Variants in PAH observed in about 807,000 individuals in gnomAD.
PAH encodes the protein phenylalanine hydroxylase.
In PAH, 64 loss-of-function variants were observed where a neutral mutation model predicts 62.0. The observed-to-expected ratio is 1.03, with a 90% CI of 0.84 to 1.27. PAH has a LOEUF of 1.27. PAH is among the 50% of genes most tolerant of loss of function. The probability of loss-of-function intolerance (pLI) is 0.00; values close to 1 mark genes in which losing one functional copy is unlikely to be tolerated. For synonymous variants in PAH, 195 were observed against 196.2 expected (o/e 0.99, Z 0.05); for missense variants, 579 against 542.8 (o/e 1.07, Z -0.66).
At chr12:102,861,979 A>AAG (rs1367985701) in intron 5 of PAH, among the ~76,000 whole-genome samples, 3 of 151,846 alleles carry the variant, frequency 2.0e-5, no homozygotes, top group Admixed American at 6.6e-5. Context: ...AAAAAAAAAA[A>AAG]AAAGAAAGAC....
At position 102,838,973 on chromosome 12, in the gene PAH, A is replaced by C. The variant is rs1874472828; in HGVS notation, c.*202T>G. Reference sequence around the variant, plus strand: ...TCTAAATCAAAGATGACCCCAAAAGATTTACCATTATGCTCTTGAGTATGT... The same window carrying C: ...TCTAAATCAAAGATGACCCCAAAAGCTTTACCATTATGCTCTTGAGTATGT... On this transcript the variant is annotated 3_prime_UTR_variant, in exon 13 of 13. Coordinates refer to ENST00000553106, the MANE Select transcript of PAH (RefSeq NM_000277.3). 1.7e-6 allele frequency: 1 copy of C among 595,936 alleles called. No individual in the cohort carries two copies. Among genetic ancestry groups the C allele is most frequent in the Non-Finnish European group, 3.0e-6 (1 of 335,276 alleles). The allele number at this position is 595,936 out of a possible 1,614,324, so 36.9% of individuals were successfully genotyped here. A position where few individuals can be genotyped will look rare whatever the true frequency, so the allele number is the denominator to read the frequency against.
intron 1 of PAH, among the ~76,000 whole-genome samples, chr12:102,916,832 A>G (rs1201575359): frequency 6.6e-6 from 1 of 152,180 alleles, no homozygotes; most frequent in African/African-American, 2.4e-5. Context: ...CCAGATCCCC[A>G]ACCCCCTAAA....
At position 102,957,622 on chromosome 12, in the gene PAH, T is replaced by G. The variant is rs1473176787; in HGVS notation, c.-96+573A>C. On this transcript the variant is annotated intron_variant, in intron 1 of 4. Coordinates refer to the PAH transcript ENST00000551337. This position sits in a 1 kb window ranked among gnomAD's most constrained non-coding sequence, Gnocchi z 4.1. ...GTGGGGGGCGAGGCGGGGCCAGGGC[T>G]GCGCGTGGGGCTGGGTGTCCCATTG... The G allele has an allele frequency of 6.6e-6, 1 of 151,308 alleles. No individual in the cohort carries two copies. The highest frequency in any genetic ancestry group is 2.4e-5 in the African/African-American group (1 of 41,014). The allele number at this position is 151,308 out of a possible 1,614,324, so 9.4% of individuals were successfully genotyped here. A position where few individuals can be genotyped will look rare whatever the true frequency, so the allele number is the denominator to read the frequency against.
chr12:102,854,472 C>A (rs1011304546), intron 6 of PAH, among the ~76,000 whole-genome samples: 1 of 152,196 alleles, frequency 6.6e-6, no homozygotes, highest in Non-Finnish European at 1.5e-5. Flanking sequence ...GAGAGGCTTG[C>A]GACTCAATGT....
chr12:102,859,504 T>A (rs1374873234), intron 5 of PAH, among the ~76,000 whole-genome samples: 1 of 152,198 alleles, frequency 6.6e-6, no homozygotes, highest in African/African-American at 2.4e-5. Flanking sequence ...TACCAAAGCC[T>A]GGCAGAGACA....
At chr12:102,955,280 G>A (rs1170502108), upstream of PAH, among the ~76,000 whole-genome samples, 1 of 152,220 alleles carries the variant, frequency 6.6e-6, no homozygotes, top group African/African-American at 2.4e-5. Context: ...GGAAACACGT[G>A]CTGGCTACCA....
intron 8 of PAH, among the ~76,000 whole-genome samples, chr12:102,847,780 A>G (rs1874921805): frequency 6.6e-6 from 1 of 152,218 alleles, no homozygotes. Flanking sequence ...TGAGAAGGTC[A>G]TATTTGAGCA....
In PAH at chr12:102,855,324, G is replaced by A; in HGVS notation, c.518C>T (p.Pro173Leu). ...DIAYNYRHGQ[P>L]IPRVEYMEEE... The stretch of plus-strand genomic sequence containing the variant: ...CTCCATGTATTCCACTCGAGGGATG[G>A]GCTGCCCACTAGAATACAGGCACAA... The change falls in exon 6 of 13, where the codon CCC becomes CTC. Residue 173 changes from proline (P) to leucine (L), a missense_variant. Pro to Leu is a moderately conservative substitution (Grantham distance 98). Coordinates refer to ENST00000553106, the MANE Select transcript of PAH (RefSeq NM_000277.3). The A allele has an allele frequency of 6.2e-7, 1 of 1,613,988 alleles. No individual in the cohort carries two copies. The highest frequency in any genetic ancestry group is 8.5e-7 in the Non-Finnish European group (1 of 1,179,944).
chr12:102,863,616 T>C (rs980543086), intron 5 of PAH, among the ~76,000 whole-genome samples: 7 of 152,116 alleles, frequency 4.6e-5, no homozygotes, highest in Non-Finnish European at 8.8e-5. Context: ...TCTAATTGAG[T>C]TGGCGTATCA....
chr12:102,919,527 A>T (rs1592992461), upstream of PAH, among the ~76,000 whole-genome samples: 1 of 152,158 alleles, frequency 6.6e-6, no homozygotes, highest in African/African-American at 2.4e-5. Context: ...ACTATCAAAT[A>T]CTAGGTCTTA....
intron 4 of PAH, among the ~76,000 whole-genome samples, chr12:102,867,149 A>G (rs1876016465): frequency 6.6e-6 from 1 of 152,212 alleles, no homozygotes; most frequent in Admixed American, 6.5e-5. Flanking sequence ...GAGTACTAGG[A>G]ACTGATTTTA....
intron 2 of PAH, among the ~76,000 whole-genome samples, chr12:102,905,680 C>A (rs1877947603): frequency 1.3e-5 from 2 of 152,100 alleles, no homozygotes; most frequent in South Asian, 2.1e-4. Flanking sequence ...TGACTCCCCA[C>A]AGCACTGTGA....
Position 102,894,822 on chromosome 12 carries a change from G to A in PAH, c.265C>T (p.Pro89Ser), listed in dbSNP as rs62507270. The change falls in exon 3 of 13, where the codon CCT becomes TCT. Residue 89 changes from proline (P) to serine (S), a missense_variant. Physicochemically the swap from Pro to Ser is moderately conservative, Grantham distance 74 (BLOSUM62 -1). Coordinates refer to ENST00000553106, the MANE Select transcript of PAH (RefSeq NM_000277.3). ...ATCTTGATGATGTTTGTCAGAGCAG[G>A]CAGGCTACGTTTATCCAAATGGGTG... ...FFTHLDKRSL[P>S]ALTNIIKILR... 6.2e-7 allele frequency: 1 copy of A among 1,613,800 alleles called. No individual in the cohort carries two copies. The highest frequency in any genetic ancestry group is 8.5e-7 in the Non-Finnish European group (1 of 1,179,762).
Position 102,839,018 on chromosome 12 carries a change from A to G in PAH, c.*157T>C. 1.4e-6 allele frequency: 1 copy of G among 690,380 alleles called. No homozygotes were observed. Among genetic ancestry groups the G allele is most frequent in the Admixed American group, 2.2e-5 (1 of 45,376 alleles). The allele number at this position is 690,380 out of a possible 1,614,324, so 42.8% of individuals were successfully genotyped here. ...GTATGTACTCATATCCTGTCATTTC[A>G]GATTATTTTGACTTATTTGTTGTTT... On this transcript the variant is annotated 3_prime_UTR_variant, in exon 13 of 13. Coordinates refer to ENST00000553106, the MANE Select transcript of PAH (RefSeq NM_000277.3).
At chr12:102,850,778 T>C (rs1423086675) in intron 8 of PAH, among the ~76,000 whole-genome samples, 2 of 152,132 alleles carry the variant, frequency 1.3e-5, no homozygotes, top group African/African-American at 4.8e-5. Context: ...GGTAGCATTA[T>C]TTTACTCAGC....
At chr12:102,922,655 A>T (rs1042019398) in intron 1 of PAH, among the ~76,000 whole-genome samples, 1 of 152,078 alleles carries the variant, frequency 6.6e-6, no homozygotes, top group Admixed American at 6.5e-5. Context: ...ATTAACATTT[A>T]TGTTGTTTCT....
intron 1 of PAH, among the ~76,000 whole-genome samples, chr12:102,925,970 C>T (rs2221094): frequency 0.032 from 4,808 of 152,088 alleles, 263 homozygotes; most frequent in African/African-American, 0.11. Context: ...CATCCCTTCT[C>T]GGCAACATCA....
In PAH at chr12:102,868,153, TACAC is replaced by T. The variant is rs1266292324; in HGVS notation, c.442-1494_442-1491del. ...ATATATATATATATATATATATATA[TACAC>T]ATATATATACATATATGTGTATATA... On this transcript the variant is annotated intron_variant, in intron 4 of 12. Coordinates refer to ENST00000553106, the MANE Select transcript of PAH (RefSeq NM_000277.3). Among the ~76,000 whole-genome samples, 61 of 6,912 alleles carry T rather than the reference TACAC, an allele frequency of 8.8e-3. 6 individuals carry two copies. Among genetic ancestry groups the T allele is most frequent in the Middle Eastern group, 0.1 (1 of 10 alleles). The allele number at this position is 6,912 out of a possible 152,430, so 4.5% of individuals were successfully genotyped here. A position where few individuals can be genotyped will look rare whatever the true frequency, so the allele number is the denominator to read the frequency against.
At chr12:102,923,218 G>C (rs1878599977) in intron 1 of PAH, among the ~76,000 whole-genome samples, 2 of 152,198 alleles carry the variant, frequency 1.3e-5, no homozygotes, top group African/African-American at 4.8e-5. Flanking sequence ...GTACACACTT[G>C]TGGATGATAA....
Sources: allele counts gnomAD v4.1 joint callset (sites outside exome capture counted in the v4.1 genomes callset), GRCh38; gene constraint gnomAD v4.1.1; non-coding constraint Gnocchi (gnomAD v3.1); transcripts MANE v1.5; gene names NCBI Gene and HGNC (gene_info 2026-07-23, HGNC 2026-07-21).